The following EPHA7 variants were observed in gnomAD, a reference collection of about 807,000 sequenced individuals.
EPHA7 encodes EPH receptor A7, also known as ephrin type-A receptor 7.
Under a neutral mutation model 112.6 loss-of-function variants are expected in EPHA7, and 25 were observed. The observed-to-expected ratio is 0.22, with a 90% CI of 0.16 to 0.31. The LOEUF is 0.31. Ranked by LOEUF, EPHA7 falls within the 10% of genes least tolerant of loss-of-function variation. The pLI, the probability that EPHA7 is intolerant of heterozygous loss-of-function variation, is 1.00. For synonymous variants in EPHA7, 437 were observed against 406.5 expected (o/e 1.07, Z -0.90); for missense variants, 962 against 1,212.6 (o/e 0.79, Z 3.07).
intron 5 of EPHA7, among the ~76,000 whole-genome samples, chr6:93,299,442 A>C (rs1489698943): frequency 6.6e-6 from 1 of 152,162 alleles, no homozygotes; most frequent in Non-Finnish European, 1.5e-5. Context: ...ATACCATCTC[A>C]TACCAGTCAG....
At chr6:93,381,527 G>A (rs1239039604) in intron 3 of EPHA7, among the ~76,000 whole-genome samples, 1 of 151,812 alleles carries the variant, frequency 6.6e-6, no homozygotes, top group Non-Finnish European at 1.5e-5. Flanking sequence ...TGCTACTTTT[G>A]GCATCATAAT....
intron 9 of EPHA7, 129 bp downstream of exon 9, chr6:93,263,730 TA>T (rs1339264257): frequency 1.7e-6 from 1 of 573,044 alleles, no homozygotes; most frequent in Non-Finnish European, 3.0e-6. Context: ...TCAAATGCTT[TA>T]AAGCAACATT....
At chr6:93,246,534 TAAAGTTTCTTTTATA>T (rs1231338779) in intron 15 of EPHA7, among the ~76,000 whole-genome samples, 1 of 152,190 alleles carries the variant, frequency 6.6e-6, no homozygotes, top group Admixed American at 6.5e-5. Flanking sequence ...ATCCAGTTTA[TAAAGTTTCTTTTATA>T]AAAGCAGCTA....
intron 5 of EPHA7, among the ~76,000 whole-genome samples, chr6:93,273,579 GA>G: frequency 6.6e-6 from 1 of 152,028 alleles, no homozygotes; most frequent in South Asian, 2.1e-4. Context: ...GGACATGGAA[GA>G]TACATGACTC....
intron 3 of EPHA7, among the ~76,000 whole-genome samples, chr6:93,364,822 T>C (rs1405878974): frequency 6.6e-6 from 1 of 152,146 alleles, no homozygotes. Flanking sequence ...TTTTAACCTA[T>C]TTGTTAATTT....
intron 5 of EPHA7, among the ~76,000 whole-genome samples, chr6:93,347,429 T>A (rs1001833457): frequency 6.9e-5 from 10 of 145,298 alleles, no homozygotes; most frequent in African/African-American, 2.5e-4. Context: ...AGTTAAGGGT[T>A]TTTTGGAGGG....
At position 93,411,136 on chromosome 6, in the gene EPHA7, G is replaced by C. The variant is rs1238158906; in HGVS notation, c.197C>G (p.Thr66Ser). The C allele has an allele frequency of 1.9e-6, 3 of 1,613,552 alleles. No individual in the cohort carries two copies. The change falls in exon 3 of 17, where the codon ACC becomes AGC. Residue 66 changes from threonine (T) to serine (S), a missense_variant. Thr to Ser is a moderately conservative substitution (Grantham distance 58). Around this residue, in one of 3 missense-constraint regions of EPHA7, gnomAD observed 160 missense variants for 263.6 expected, o/e 0.61. Transcript: ENST00000369303. Reference protein sequence around the residue: ...EEISGLDENYTPIRTYQVCQV... With the variant: ...EEISGLDENYSPIRTYQVCQV... ...GCACACCTGGTATGTTCGTATCGGG[G>C]TATAGTTCTCATCCAAACCACTAAT...
At chr6:93,264,051 A>C in intron 8 of EPHA7, 136 bp from the exon 9 acceptor site, 1 of 506,742 alleles carries the variant, frequency 2.0e-6, no homozygotes, top group East Asian at 3.3e-5. Context: ...ATTTAGTAAT[A>C]ATATAGCGAT....
chr6:93,263,951 T>A (rs1411518320), intron 8 of EPHA7, 36 bp from the exon 9 acceptor site: 1 of 1,555,956 alleles, frequency 6.4e-7, no homozygotes, highest in Non-Finnish European at 8.8e-7. Context: ...TCTCAGTCAT[T>A]TTACTTTATA....
chr6:93,275,311 A>G (rs345717), intron 5 of EPHA7, among the ~76,000 whole-genome samples: 115,345 of 151,610 alleles, frequency 0.76, 44,061 homozygotes, highest in South Asian at 0.84. Flanking sequence ...ATAAAGTTCC[A>G]AATTGAAAGA....
At chr6:93,278,609 G>T (rs1265088363) in intron 5 of EPHA7, among the ~76,000 whole-genome samples, 1 of 151,928 alleles carries the variant, frequency 6.6e-6, no homozygotes, top group African/African-American at 2.4e-5. Context: ...AGGCATTGTG[G>T]ATTTTTATAG....
chr6:93,414,027 A>G (rs967291133), intron 2 of EPHA7, among the ~76,000 whole-genome samples: 3 of 151,912 alleles, frequency 2.0e-5, no homozygotes, highest in African/African-American at 7.2e-5. Context: ...CTACATTTAC[A>G]TATGAAAAAT....
intron 4 of EPHA7, among the ~76,000 whole-genome samples, chr6:93,357,401 C>T (rs981291425): frequency 1.3e-5 from 2 of 152,076 alleles, no homozygotes; most frequent in African/African-American, 2.4e-5. Context: ...AACAGCTGTG[C>T]AGTAGTTTAA....
At chr6:93,246,711 T>C in intron 15 of EPHA7, 81 bp downstream of exon 15, 1 of 1,186,270 alleles carries the variant, frequency 8.4e-7, no homozygotes, top group Non-Finnish European at 1.2e-6. Context: ...CAATTTGCCA[T>C]TGTGGTGGGG....
At chr6:93,315,601 A>C (rs1773767064) in intron 5 of EPHA7, among the ~76,000 whole-genome samples, 1 of 152,120 alleles carries the variant, frequency 6.6e-6, no homozygotes, top group Admixed American at 6.6e-5. Flanking sequence ...GTATTTGAAA[A>C]ATCTCTGTAA....
rs767702926 is a variant in EPHA7 at position 93,258,212 on chromosome 6, G to A, written c.1997C>T (p.Thr666Ile). Residue 666 changes from threonine to isoleucine, a missense_variant, in exon 11 of 17, where the codon ACC becomes ATC. Transcript: ENST00000369303. ...GKRDVAVAIK[T>I]LKVGYTEKQR... ...TTTTTCTGTGTAACCAACTTTCAGGGTTTTTATGGCTACTGCAACATCTCT... is the reference window on the plus strand; with the variant it reads ...TTTTTCTGTGTAACCAACTTTCAGGATTTTTATGGCTACTGCAACATCTCT... 45 of 1,613,224 alleles carry A rather than the reference G, an allele frequency of 2.8e-5. No individual in the cohort carries two copies. In the Admixed American group the frequency reaches 6.0e-4, roughly 22 times the overall value.
rs75828949 is a variant in EPHA7, at chr6:93,332,305, A to T, written c.1324+24412T>A. 5.0e-3 allele frequency among the ~76,000 whole-genome samples: 753 copies of T among 151,770 alleles called. 12 individuals are homozygous for T. Among genetic ancestry groups the T allele is most frequent in the African/African-American group, 0.017 (726 of 41,504 alleles). ...AAAGCAATAATTTGATAAAAATGTT[A>T]ATAAAATAAAATAAGTACAATAATG... On this transcript the variant is annotated intron_variant, in intron 5 of 16. Transcript: ENST00000369303.
chr6:93,307,683 A>G (rs977591830), intron 5 of EPHA7, among the ~76,000 whole-genome samples: 3 of 152,168 alleles, frequency 2.0e-5, no homozygotes, highest in African/African-American at 7.2e-5. Context: ...GGAAAAAATA[A>G]ATATGGTAAG....
At chr6:93,374,971 A>C (rs1297188958) in intron 3 of EPHA7, among the ~76,000 whole-genome samples, 1 of 152,194 alleles carries the variant, frequency 6.6e-6, no homozygotes, top group African/African-American at 2.4e-5. Context: ...AAAATTTCTG[A>C]ATAGTTTTTA....
Sources: allele counts gnomAD v4.1 joint callset (sites outside exome capture counted in the v4.1 genomes callset), GRCh38; gene constraint gnomAD v4.1.1; regional missense constraint gnomAD v4.1.1; transcripts MANE v1.5; gene names NCBI Gene and HGNC (gene_info 2026-07-23, HGNC 2026-07-21).